The following RSBN1 variants were observed in gnomAD, a reference collection of about 807,000 sequenced individuals.
RSBN1 encodes round spermatid basic protein 1.
RSBN1 carries 23 observed loss-of-function variants against 74.8 expected under a neutral mutation model. The ratio of observed to expected loss-of-function variants is 0.31; its 90% CI spans 0.22 to 0.44. RSBN1 has a LOEUF of 0.44. RSBN1 is among the 20% of genes least tolerant of loss of function. RSBN1 has a pLI of 1.00. For missense variants in RSBN1, 808 were observed against 1,020.9 expected, an observed-to-expected ratio of 0.79 and a Z score of 2.84; for synonymous variants, 407 against 379.6, an observed-to-expected ratio of 1.07 and a Z score of -0.84.
At chr1:113,777,110 A>T in intron 4 of RSBN1, 100 bp downstream of exon 4, 1 of 1,051,658 alleles carries the variant, frequency 9.5e-7, no homozygotes, top group Non-Finnish European at 1.4e-6. Flanking sequence ...ACATTTACTT[A>T]AGGGAGCCCA....
At position 113,811,915 on chromosome 1, in the gene RSBN1, G is replaced by T; in HGVS notation, c.498C>A (p.Ser166Arg). ...GCGAGAAGGTGAAGAGGGCCGAGGT[G>T]CTTGGGGCCGGGAGAGGGGCAGCGA... ...PAVAAPLPAPSTSALFTFSPL... is the reference protein window; with the variant it reads ...PAVAAPLPAPRTSALFTFSPL... Residue 166 changes from serine to arginine, a missense_variant, in exon 1 of 7, where the codon AGC becomes AGA. Around this residue, in one of 6 missense-constraint regions of RSBN1, gnomAD observed 464 missense variants for 401.0 expected, o/e 1.16. Coordinates refer to ENST00000261441, the MANE Select transcript of RSBN1 (RefSeq NM_018364.5). 6.2e-7 allele frequency: 1 copy of T among 1,606,992 alleles called. No homozygotes were observed.
chr1:113,765,079 A>AT lies in RSBN1; in HGVS notation c.*900dup, dbSNP rs1350734523. ...TGCCAAGTGACAAGAATAGTTTATCATAAGATTGATGCTCAAAATATGGCA... is the reference window on the plus strand; with the variant it reads ...TGCCAAGTGACAAGAATAGTTTATCATTAAGATTGATGCTCAAAATATGGCA... On this transcript the variant is annotated 3_prime_UTR_variant, in exon 7 of 7. Transcript: ENST00000261441. The AT allele has an allele frequency of 2.0e-5, 3 of 152,340 alleles. No individual in the cohort carries two copies. Among genetic ancestry groups the AT allele is most frequent in the Admixed American group, 2.0e-4 (3 of 15,282 alleles). 9.4% of individuals were successfully genotyped at this position (152,340 alleles called of 1,614,324 possible). A position where few individuals can be genotyped will look rare whatever the true frequency, so the allele number is the denominator to read the frequency against.
chr1:113,798,140 G>T, intron 1 of RSBN1, 104 bp from the exon 2 acceptor site: 2 of 974,154 alleles, frequency 2.1e-6, no homozygotes, highest in African/African-American at 1.6e-5. Context: ...CAATTTCTCT[G>T]AATTTGCTAT....
intron 1 of RSBN1, among the ~76,000 whole-genome samples, chr1:113,798,707 T>C (rs1230666029): frequency 6.6e-6 from 1 of 152,094 alleles, no homozygotes; most frequent in African/African-American, 2.4e-5. Context: ...TCTAAGAAAA[T>C]AATTGAAGAT....
chr1:113,787,076 A>G (rs937006332), intron 2 of RSBN1, among the ~76,000 whole-genome samples: 1 of 152,136 alleles, frequency 6.6e-6, no homozygotes, highest in African/African-American at 2.4e-5. Context: ...ATGGTGTTCA[A>G]TTTATAACTT....
intron 1 of RSBN1, 21 bp downstream of exon 1, chr1:113,811,689 G>C (rs1660853386): frequency 2.6e-6 from 4 of 1,555,312 alleles, no homozygotes; most frequent in African/African-American, 1.4e-5. Flanking sequence ...AACCCAAGCC[G>C]GGCAGTTTGC....
chr1:113,792,834 G>A (rs376929066), intron 2 of RSBN1, among the ~76,000 whole-genome samples: 1 of 152,020 alleles, frequency 6.6e-6, no homozygotes, highest in African/African-American at 2.4e-5. Context: ...GGGAGGGGAA[G>A]GGGAAGGGAG....
intron 2 of RSBN1, among the ~76,000 whole-genome samples, chr1:113,786,238 A>G (rs969063856): frequency 3.9e-5 from 6 of 152,354 alleles, no homozygotes; most frequent in South Asian, 2.1e-4. Flanking sequence ...CTGAAAGAGC[A>G]ACTACTCTCT....
intron 1 of RSBN1, among the ~76,000 whole-genome samples, chr1:113,802,584 C>T (rs1267811660): frequency 6.6e-6 from 1 of 152,068 alleles, no homozygotes; most frequent in Non-Finnish European, 1.5e-5. Flanking sequence ...CTTTACCCAC[C>T]ATCTCTCTAT....
chr1:113,812,254 G>C lies in RSBN1; in HGVS notation c.159C>G (p.Val53=), dbSNP rs371476754. 1.2e-4 allele frequency: 191 copies of C among 1,605,856 alleles called. No individual in the cohort carries two copies. Among genetic ancestry groups the C allele is most frequent in the Non-Finnish European group, 1.5e-4 (178 of 1,179,846 alleles). The change falls in exon 1 of 7, where the codon GTC becomes GTG. Residue 53 remains valine, a synonymous_variant. Coordinates refer to ENST00000261441, the MANE Select transcript of RSBN1 (RefSeq NM_018364.5). ...CVFVGEMAAQ[V]GAVRVVRAVA... ...CCGCCCGTACTACGCGCACCGCTCC[G>C]ACCTGCGCAGCCATTTCACCCACAA...
At chr1:113,778,778 T>C (rs575478463) in intron 2 of RSBN1, among the ~76,000 whole-genome samples, 82 of 152,290 alleles carry the variant, frequency 5.4e-4, no homozygotes, top group Non-Finnish European at 9.8e-4. Context: ...CTCCATGATC[T>C]CTCCCTTCTC....
chr1:113,788,727 C>T (rs1028642364), intron 2 of RSBN1, among the ~76,000 whole-genome samples: 7 of 152,010 alleles, frequency 4.6e-5, no homozygotes, highest in African/African-American at 1.7e-4. Context: ...TGAATTCAGG[C>T]AAGAGTCATG....
At chr1:113,807,796 T>C (rs1571313443) in intron 1 of RSBN1, among the ~76,000 whole-genome samples, 1 of 127,054 alleles carries the variant, frequency 7.9e-6, no homozygotes, top group East Asian at 2.1e-4. Flanking sequence ...TATATGTATA[T>C]GTATACACAC....
intron 4 of RSBN1, among the ~76,000 whole-genome samples, chr1:113,774,911 T>C (rs1659990852): frequency 6.6e-6 from 1 of 152,068 alleles, no homozygotes; most frequent in African/African-American, 2.4e-5. Flanking sequence ...GATACAACCA[T>C]ACAGTAAAAA....
At chr1:113,803,102 G>A (rs1660619045) in intron 1 of RSBN1, among the ~76,000 whole-genome samples, 3 of 152,148 alleles carry the variant, frequency 2.0e-5, no homozygotes, top group South Asian at 2.1e-4. Context: ...ATCATAAAAT[G>A]TGCAGCCTTT....
At chr1:113,783,992 G>T (rs1489418403) in intron 2 of RSBN1, among the ~76,000 whole-genome samples, 1 of 152,108 alleles carries the variant, frequency 6.6e-6, no homozygotes, top group Non-Finnish European at 1.5e-5. Flanking sequence ...ATCATCTGGG[G>T]TGTGATCTCC....
At chr1:113,803,435 G>A (rs1660630361) in intron 1 of RSBN1, among the ~76,000 whole-genome samples, 1 of 152,172 alleles carries the variant, frequency 6.6e-6, no homozygotes, top group Non-Finnish European at 1.5e-5. Context: ...TTCCAAAGTG[G>A]CTGTATCATT....
chr1:113,781,649 C>A (rs1216812207), intron 2 of RSBN1, among the ~76,000 whole-genome samples: 3 of 152,160 alleles, frequency 2.0e-5, no homozygotes, highest in Non-Finnish European at 4.4e-5. Flanking sequence ...AATTTAATAC[C>A]TACAAAACAG....
intron 2 of RSBN1, among the ~76,000 whole-genome samples, chr1:113,790,269 C>T (rs1660339345): frequency 6.6e-6 from 1 of 152,082 alleles, no homozygotes; most frequent in African/African-American, 2.4e-5. Context: ...GGAAAAAGTT[C>T]TGGAAACGGT....
Sources: allele counts gnomAD v4.1 joint callset (sites outside exome capture counted in the v4.1 genomes callset), GRCh38; gene constraint gnomAD v4.1.1; regional missense constraint gnomAD v4.1.1; transcripts MANE v1.5; gene names NCBI Gene and HGNC (gene_info 2026-07-23, HGNC 2026-07-21).